Variants in DHX37 observed in about 807,000 individuals in gnomAD.
DHX37 encodes probable ATP-dependent RNA helicase DHX37.
DHX37 carries 52 observed loss-of-function variants against 134.3 expected under a neutral mutation model. The observed-to-expected ratio is 0.39, with a 90% CI of 0.31 to 0.49. The LOEUF is 0.49. Ranked by LOEUF, DHX37 falls within the 20% of genes least tolerant of loss-of-function variation. The pLI, the probability that DHX37 is intolerant of heterozygous loss-of-function variation, is 0.93. For missense variants in DHX37, 1,344 were observed against 1,580.8 expected, an observed-to-expected ratio of 0.85 and a Z score of 2.54; for synonymous variants, 634 against 670.7, an observed-to-expected ratio of 0.95 and a Z score of 0.85.
At chr12:124,975,358 C>G in intron 6 of DHX37, 61 bp downstream of exon 6, 2 of 1,563,148 alleles carry the variant, frequency 1.3e-6, no homozygotes, top group Non-Finnish European at 1.8e-6. Context: ...CTGGGCTTCC[C>G]ACATCTGGGC....
rs148710712 is a variant in DHX37, at chr12:124,950,539, C to A, written c.2995G>T (p.Val999Leu). 3.2e-6 allele frequency: 5 copies of A among 1,553,582 alleles called. No individual in the cohort carries two copies. The South Asian group carries it at 3.7e-5, about 11-fold the overall frequency. Residue 999 changes from valine (V) to leucine (L), a missense_variant, in exon 23 of 27, where the codon GTG (valine) becomes TTG (leucine). This residue lies in a region of DHX37 where 558 missense variants were observed against 650.0 expected (regional missense o/e 0.86). Transcript: ENST00000308736. Reference sequence around the variant, plus strand: ...AGGGCCGGGATCCACTGGACCTCCACGCTAGAGACGCCTGGGGGCCGGGGG... The same window carrying A: ...AGGGCCGGGATCCACTGGACCTCCAAGCTAGAGACGCCTGGGGGCCGGGGG... Reference protein sequence around the residue: ...TKMYMKGVSSVEVQWIPALLP... With the variant: ...TKMYMKGVSSLEVQWIPALLP...
In DHX37 at chr12:124,975,735, C is replaced by T. The variant is rs552150609; in HGVS notation, c.888-224G>A. Among the ~76,000 whole-genome samples, 32 of 152,274 alleles carry T rather than the reference C, an allele frequency of 2.1e-4. No individual in the cohort carries two copies. In the South Asian group the frequency reaches 4.1e-3, roughly 20 times the overall value. ...CACCATGCAGCGGACACCAGGCAGC[C>T]GCTAGAAGGAACGGGGCCTGGGGGA... is the stretch of plus-strand genomic sequence containing the variant. On this transcript the variant is annotated intron_variant, in intron 5 of 26. Transcript: ENST00000308736.
chr12:124,980,440 C>A lies in DHX37; in HGVS notation c.738+50G>T. Reference sequence around the variant, plus strand: ...ACTTCACCAGGACGCCCTCTGTGCGCCCCTTGCCCGCTAACCTAGATTCTT... The same window carrying A: ...ACTTCACCAGGACGCCCTCTGTGCGACCCTTGCCCGCTAACCTAGATTCTT... On this transcript the variant is annotated intron_variant, in intron 4 of 26. Transcript: ENST00000308736. This position sits in a 1 kb window ranked among gnomAD's most constrained non-coding sequence, Gnocchi z 5.3. 2 of 1,585,414 alleles carry A rather than the reference C, an allele frequency of 1.3e-6. No individual in the cohort carries two copies. Among genetic ancestry groups the A allele is most frequent in the Non-Finnish European group, 1.7e-6 (2 of 1,168,084 alleles).
rs777066276 is a variant in DHX37 at position 124,948,186 on chromosome 12, G to A, written c.3291-5C>T. The A allele has an allele frequency of 6.2e-6, 10 of 1,613,030 alleles. No homozygotes were observed. In the African/African-American group the frequency reaches 1.3e-4, roughly 22 times the overall value. On this transcript the variant is annotated splice_polypyrimidine_tract_variant and splice_region_variant and intron_variant, in intron 25 of 26. Coordinates refer to ENST00000308736, the MANE Select transcript of DHX37 (RefSeq NM_032656.4). ...CTCTCCGTACGGGGCTGCAGCCTGT[G>A]GGGCAGGAATGCACGTTGGTGGCAG...
chr12:124,964,948 G>A lies in DHX37; in HGVS notation c.1794C>T (p.Ala598=). Residue 598 remains alanine, a synonymous_variant, in exon 14 of 27, where the codon GCC becomes GCT. Coordinates refer to ENST00000308736, the MANE Select transcript of DHX37 (RefSeq NM_032656.4). The part of the protein sequence containing the change: ...LHVLPLYSLL[A]PEKQAQVFKP... ...CGGTTACCTGTGCTTGCTTCTCTGG[G>A]GCCAGCAGAGAGTACAGCGGGAGCA... 6.3e-7 allele frequency: 1 copy of A among 1,596,248 alleles called. No homozygotes were observed. The highest frequency in any genetic ancestry group is 8.5e-7 in the Non-Finnish European group (1 of 1,173,160).
In DHX37 at chr12:124,980,943, G is replaced by T. The variant is rs1244425151; in HGVS notation, c.390-105C>A. 2 of 1,271,742 alleles carry T rather than the reference G, an allele frequency of 1.6e-6. No homozygotes were observed. The highest frequency in any genetic ancestry group is 1.5e-5 in the African/African-American group (1 of 65,956). 78.8% of individuals were successfully genotyped at this position (1,271,742 alleles called of 1,614,324 possible). On this transcript the variant is annotated intron_variant, in intron 3 of 26. Coordinates refer to ENST00000308736, the MANE Select transcript of DHX37 (RefSeq NM_032656.4). The surrounding 1 kb of genome is among the most constrained non-coding windows in gnomAD (Gnocchi z 5.3). Reference sequence around the variant, plus strand: ...CTGCCTCAGGGACTTTGCACCTGCTGTTCCACTCCCTGAAATGCCCTTCCT... The same window carrying T: ...CTGCCTCAGGGACTTTGCACCTGCTTTTCCACTCCCTGAAATGCCCTTCCT...
chr12:124,955,845 C>T (rs934056086), intron 18 of DHX37, among the ~76,000 whole-genome samples: 4 of 140,698 alleles, frequency 2.8e-5, no homozygotes, highest in Admixed American at 7.4e-5. Context: ...GCTGAGGCCA[C>T]GTGTGGTTAG....
At chr12:124,965,066 C>T in intron 13 of DHX37, 60 bp from the exon 14 acceptor site, 3 of 1,539,410 alleles carry the variant, frequency 1.9e-6, no homozygotes, top group Non-Finnish European at 2.6e-6. Flanking sequence ...CAGGCAGGAG[C>T]TGGCCACAGC....
In DHX37 at chr12:124,975,524, G is replaced by T; in HGVS notation, c.888-13C>A. On this transcript the variant is annotated splice_polypyrimidine_tract_variant and intron_variant, in intron 5 of 26. Coordinates refer to ENST00000308736, the MANE Select transcript of DHX37 (RefSeq NM_032656.4). ...GATGCTGTCTTCACTGGGGGAGGAA[G>T]AACATGGCCATCAACAGTGCGCGGC... is the stretch of plus-strand genomic sequence containing the variant. The T allele has an allele frequency of 6.2e-7, 1 of 1,611,536 alleles. No homozygotes were observed. The highest frequency in any genetic ancestry group is 1.1e-5 in the South Asian group (1 of 91,052).
In DHX37 at chr12:124,986,181, A is replaced by G; in HGVS notation, c.191T>C (p.Leu64Pro). The change falls in exon 2 of 27, where the codon CTG becomes CCG. Residue 64 changes from leucine (L) to proline (P), a missense_variant. By Grantham distance (98) the Leu-to-Pro change is moderately conservative (BLOSUM62 -3). This residue lies in a region of DHX37 where 319 missense variants were observed against 296.1 expected (regional missense o/e 1.08). Coordinates refer to ENST00000308736, the MANE Select transcript of DHX37 (RefSeq NM_032656.4). ...KKKKKTKAPP[L>P]SKKEKKPLTK... ...CAGAGGCTTCTTCTCCTTCTTCGACAGGGGAGGGGCTTTGGTCTTCTTTTT... is the reference window on the plus strand; with the variant it reads ...CAGAGGCTTCTTCTCCTTCTTCGACGGGGGAGGGGCTTTGGTCTTCTTTTT... 6.2e-7 allele frequency: 1 copy of G among 1,614,154 alleles called. No individual in the cohort carries two copies.
At chr12:124,962,410 C>T (rs1337839755) in intron 15 of DHX37, among the ~76,000 whole-genome samples, 1 of 152,068 alleles carries the variant, frequency 6.6e-6, no homozygotes, top group East Asian at 1.9e-4. Flanking sequence ...AATCCCAGCA[C>T]TTTGGGAGGC....
At chr12:124,967,003 T>C in intron 11 of DHX37, 120 bp downstream of exon 11, 2 of 1,529,888 alleles carry the variant, frequency 1.3e-6, no homozygotes, top group East Asian at 2.3e-5. Flanking sequence ...AGGTGGGGGA[T>C]GGCAAAGGTG....
chr12:124,981,140 T>A (rs1954750953), intron 3 of DHX37, among the ~76,000 whole-genome samples: 1 of 152,182 alleles, frequency 6.6e-6, no homozygotes, highest in African/African-American at 2.4e-5. Flanking sequence ...ACTCGCCTGA[T>A]GACTTCCCAC....
chr12:124,948,020 C>A, intron 26 of DHX37, 64 bp downstream of exon 26: 1 of 1,614,030 alleles, frequency 6.2e-7, no homozygotes, highest in Non-Finnish European at 8.5e-7. Flanking sequence ...GCACAAAGCA[C>A]AAAGCCCCTG....
At position 124,950,789 on chromosome 12, in the gene DHX37, C is replaced by A. The variant is rs140554912; in HGVS notation, c.2884G>T (p.Asp962Tyr). 1 of 1,606,458 alleles carries A rather than the reference C, an allele frequency of 6.2e-7. No homozygotes were observed. Among genetic ancestry groups the A allele is most frequent in the Non-Finnish European group, 8.5e-7 (1 of 1,177,816 alleles). ...RNAYKTPLLD[D>Y]PVFIHPSSVL... ...GAGCTGGGGTGGATGAAGACAGGGT[C>A]GTCGAGGAGAGGGGTCTGCAGAGAA... The change falls in exon 22 of 27, where the codon GAC becomes TAC. Residue 962 changes from aspartate to tyrosine, a missense_variant. By Grantham distance (160) the Asp-to-Tyr change is radical (BLOSUM62 -3). This residue lies in a region of DHX37 where 558 missense variants were observed against 650.0 expected (regional missense o/e 0.86). Coordinates refer to ENST00000308736, the MANE Select transcript of DHX37 (RefSeq NM_032656.4).
intron 8 of DHX37, among the ~76,000 whole-genome samples, chr12:124,970,028 A>G (rs1220017264): frequency 1.3e-5 from 2 of 152,178 alleles, no homozygotes; most frequent in Non-Finnish European, 2.9e-5. Flanking sequence ...GCTGGAGTGC[A>G]GTGGCGCGAT....
chr12:124,978,296 A>G (rs1446918198), intron 4 of DHX37, among the ~76,000 whole-genome samples: 2 of 150,588 alleles, frequency 1.3e-5, no homozygotes, highest in Non-Finnish European at 3.0e-5. Flanking sequence ...TTCTATTTCT[A>G]TTCTATTCTA....
intron 1 of DHX37, among the ~76,000 whole-genome samples, chr12:124,986,966 G>A (rs1045999365): frequency 2.6e-5 from 4 of 151,854 alleles, no homozygotes; most frequent in African/African-American, 4.8e-5. Flanking sequence ...AGGCGGTCTC[G>A]AACTCCTGAC....
At chr12:124,983,934 A>C (rs1954809158) in intron 2 of DHX37, among the ~76,000 whole-genome samples, 1 of 152,172 alleles carries the variant, frequency 6.6e-6, no homozygotes, top group Admixed American at 6.5e-5. Flanking sequence ...GCCTCACCAA[A>C]AGTCAAACTT....
Sources: gnomAD v4.1 joint callset for allele counts (sites outside exome capture counted in the v4.1 genomes callset) on GRCh38, gnomAD v4.1.1 for gene constraint, gnomAD v4.1.1 regional missense constraint, Gnocchi (gnomAD v3.1) non-coding constraint, MANE v1.5 for transcripts, NCBI Gene and HGNC (gene_info 2026-07-23, HGNC 2026-07-21) for gene names.